The following FNDC3B variants were observed in gnomAD, a reference collection of about 807,000 sequenced individuals.
FNDC3B encodes fibronectin type III domain containing 3B, also known as fibronectin type III domain-containing protein 3B.
Under a neutral mutation model 151.5 loss-of-function variants are expected in FNDC3B, and 12 were observed. That is an observed-to-expected ratio of 0.08 (90% CI 0.05 to 0.13). The LOEUF (loss-of-function observed/expected upper bound fraction) is 0.13, where lower values mean the gene tolerates loss of function less well. Among genes scored for constraint, FNDC3B ranks in the 10% least tolerant of loss-of-function variants. The probability of loss-of-function intolerance (pLI) is 1.00; values close to 1 mark genes in which losing one functional copy is unlikely to be tolerated. For synonymous variants in FNDC3B, 528 were observed against 549.0 expected (o/e 0.96, Z 0.54); for missense variants, 1,214 against 1,505.3 (o/e 0.81, Z 3.20).
chr3:172,252,827 CTT>C (rs1026455663), intron 6 of FNDC3B, among the ~76,000 whole-genome samples: 24 of 152,034 alleles, frequency 1.6e-4, no homozygotes, highest in Non-Finnish European at 2.9e-4. Flanking sequence ...TCTTATAACT[CTT>C]AAACAAAACA....
At chr3:172,105,248 T>G (rs564639184) in intron 1 of FNDC3B, among the ~76,000 whole-genome samples, 2 of 152,330 alleles carry the variant, frequency 1.3e-5, no homozygotes, top group Non-Finnish European at 2.9e-5. Flanking sequence ...TTCTTTTTTC[T>G]GTGTATATGA....
Position 172,251,323 on chromosome 3 carries a change from C to T in FNDC3B, c.572C>T (p.Pro191Leu), listed in dbSNP as rs993970476. The change falls in exon 6 of 26, where the codon CCG (proline) becomes CTG (leucine). Residue 191 changes from proline (P) to leucine (L), a missense_variant. Pro to Leu is a moderately conservative substitution (Grantham distance 98). Transcript: ENST00000415807. ...ITREDQYSKP[P>L]HKKLKDRQID... ...CGAGAAGACCAGTACAGCAAGCCTCCGCACAAAAAACTGAAAGACCGCCAG... is the reference window on the plus strand; with the variant it reads ...CGAGAAGACCAGTACAGCAAGCCTCTGCACAAAAAACTGAAAGACCGCCAG... 1.9e-5 allele frequency: 30 copies of T among 1,613,748 alleles called. No individual in the cohort carries two copies. The highest frequency in any genetic ancestry group is 2.7e-5 in the African/African-American group (2 of 74,880).
chr3:172,257,604 ACACACG>A (rs1295657532), intron 6 of FNDC3B, among the ~76,000 whole-genome samples: 3 of 149,098 alleles, frequency 2.0e-5, no homozygotes, highest in African/African-American at 7.6e-5. Context: ...ACACACACAC[ACACACG>A]CACTCTGAAA....
chr3:172,355,265 C>T lies in FNDC3B; in HGVS notation c.2795+2182C>T, dbSNP rs184683965. On this transcript the variant is annotated intron_variant, in intron 22 of 25. Coordinates refer to ENST00000415807, the MANE Select transcript of FNDC3B (RefSeq NM_022763.4). ...AGGGTAATCGGATCACCTGGTATCA[C>T]CCCTTCCCAGTCCTTGGCTTGAGCA... Among the ~76,000 whole-genome samples the T allele has an allele frequency of 2.8e-3, 420 of 152,278 alleles. 3 individuals carry two copies. Among genetic ancestry groups the T allele is most frequent in the Admixed American group, 5.9e-3 (91 of 15,296 alleles).
chr3:172,082,258 G>A (rs1234397251), intron 1 of FNDC3B, among the ~76,000 whole-genome samples: 1 of 152,128 alleles, frequency 6.6e-6, no homozygotes, highest in Admixed American at 6.5e-5. Context: ...ATTTTTTCCT[G>A]TCCCCAAATA....
In FNDC3B at chr3:172,251,242, CA is replaced by C. The variant is rs1560040408; in HGVS notation, c.509-17del. On this transcript the variant is annotated splice_polypyrimidine_tract_variant and intron_variant, in intron 5 of 25. Coordinates refer to ENST00000415807, the MANE Select transcript of FNDC3B (RefSeq NM_022763.4). ...AAATGTAAACTGAGTTTGGGTTTAT[CA>C]TAATCATCCATTTTAGAAATTATAC... 1.3e-6 allele frequency: 2 copies of C among 1,581,418 alleles called. No homozygotes were observed. Among genetic ancestry groups the C allele is most frequent in the South Asian group, 2.2e-5 (2 of 89,154 alleles).
intron 3 of FNDC3B, among the ~76,000 whole-genome samples, chr3:172,206,050 G>A (rs766719387): frequency 3.9e-5 from 6 of 152,116 alleles, no homozygotes; most frequent in East Asian, 1.9e-4. Context: ...TGGATTGAGC[G>A]GGGATATGTT....
intron 23 of FNDC3B, among the ~76,000 whole-genome samples, chr3:172,372,372 AG>A (rs1734921895): frequency 6.6e-6 from 1 of 152,182 alleles, no homozygotes; most frequent in African/African-American, 2.4e-5. Flanking sequence ...TGGTACCATA[AG>A]GGTTGCCTGT....
At position 172,152,686 on chromosome 3, in the gene FNDC3B, C is replaced by G. The variant is rs1229082893; in HGVS notation, c.187+19140C>G. Among the ~76,000 whole-genome samples the G allele has an allele frequency of 2.0e-5, 3 of 150,424 alleles. No individual in the cohort carries two copies. In the Admixed American group the frequency reaches 2.0e-4, roughly 10 times the overall value. ...TGATAGCAGAGGGGAACGTGCTCAA[C>G]TTACAAAGTTTCTGAAAAAAATCAC... On this transcript the variant is annotated intron_variant, in intron 3 of 25. Transcript: ENST00000415807.
chr3:172,050,733 G>GTGTGTGTGTGTGTGTGTGTATA, intron 1 of FNDC3B, among the ~76,000 whole-genome samples: 1 of 137,932 alleles, frequency 7.2e-6, no homozygotes, highest in African/African-American at 2.6e-5. Context: ...GTGTGTGTGT[G>GTGTGTGTGTGTGTGTGTGTATA]TATAGTGTGT....
At chr3:172,235,995 T>C (rs975160901) in intron 4 of FNDC3B, among the ~76,000 whole-genome samples, 2 of 152,228 alleles carry the variant, frequency 1.3e-5, no homozygotes, top group African/African-American at 4.8e-5. Context: ...GATAGCTTTA[T>C]TCACATCTCA....
chr3:172,048,347 T>G (rs1428600761), intron 1 of FNDC3B, among the ~76,000 whole-genome samples: 2 of 152,186 alleles, frequency 1.3e-5, no homozygotes, highest in Non-Finnish European at 2.9e-5. Context: ...AAGAAAATAA[T>G]AAAAGTCTTT....
At chr3:172,176,856 G>T (rs113057689) in intron 3 of FNDC3B, among the ~76,000 whole-genome samples, 3 of 152,274 alleles carry the variant, frequency 2.0e-5, no homozygotes, top group Non-Finnish European at 2.9e-5. Context: ...GTCTTGCAGT[G>T]GGGGAGAGAG....
chr3:172,322,168 T>C (rs769454820), intron 11 of FNDC3B, among the ~76,000 whole-genome samples: 1 of 152,172 alleles, frequency 6.6e-6, no homozygotes, highest in Admixed American at 6.5e-5. Flanking sequence ...CTCTATCATA[T>C]CTAGAGTTTC....
chr3:172,083,912 C>A lies in FNDC3B; in HGVS notation c.-28-28540C>A, dbSNP rs566243326. Among the ~76,000 whole-genome samples the A allele has an allele frequency of 1.4e-4, 21 of 152,268 alleles. 1 individual carries two copies. In the South Asian group the frequency reaches 4.3e-3, roughly 32 times the overall value. On this transcript the variant is annotated intron_variant, in intron 1 of 25. Transcript: ENST00000415807. The stretch of plus-strand genomic sequence containing the variant: ...GCATAGGTTTAGCTCTGTTTCTTAA[C>A]TGCATTGTGACCTTAGTTTATTTTT...
At position 172,344,147 on chromosome 3, in the gene FNDC3B, C is replaced by T. The variant is rs148257829; in HGVS notation, c.2139C>T (p.Pro713=). Residue 713 remains proline (P), a synonymous_variant, in exon 19 of 26, where the codon CCC becomes CCT. Transcript: ENST00000415807. Reference sequence around the variant, plus strand: ...AGTACAGCGTGGAGATGACGGAGCCCGAAGACGTAGCCTCGGAAGTGTACC... The same window carrying T: ...AGTACAGCGTGGAGATGACGGAGCCTGAAGACGTAGCCTCGGAAGTGTACC... The part of the protein sequence containing the change: ...VSEYSVEMTE[P]EDVASEVYHG... The T allele has an allele frequency of 1.7e-5, 27 of 1,613,954 alleles. No homozygotes were observed. The highest frequency in any genetic ancestry group is 1.3e-4 in the African/African-American group (10 of 74,870).
In FNDC3B at chr3:172,285,966, G is replaced by A. The variant is rs115364239; in HGVS notation, c.831G>A (p.Ser277=). 2.5e-5 allele frequency: 41 copies of A among 1,612,132 alleles called. No homozygotes were observed. In the African/African-American group the frequency reaches 3.6e-4, roughly 14 times the overall value. ...LEVKRVQDIL[S]GIEKPQVSNI... is the part of the protein sequence containing the mutation. Reference sequence around the variant, plus strand: ...TAAAGAGGGTGCAAGACATTCTTTCGGGAATAGAGAAACCACAGGTATGTC... The same window carrying A: ...TAAAGAGGGTGCAAGACATTCTTTCAGGAATAGAGAAACCACAGGTATGTC... Residue 277 remains serine (S), a synonymous_variant, in exon 7 of 26, where the codon TCG becomes TCA. Coordinates refer to ENST00000415807, the MANE Select transcript of FNDC3B (RefSeq NM_022763.4).
Position 172,194,374 on chromosome 3 carries a change from G to A in FNDC3B, c.188-32497G>A, listed in dbSNP as rs1017014097. ...AAAATGTAAACGTGTGATTCTTGTC[G>A]TTGATGGATGACCTTACCTGTCAAG... On this transcript the variant is annotated intron_variant, in intron 3 of 25. Transcript: ENST00000415807. 1.1e-4 allele frequency among the ~76,000 whole-genome samples: 16 copies of A among 152,090 alleles called. No individual in the cohort carries two copies. The East Asian group carries it at 1.3e-3, about 13-fold the overall frequency.
rs76176008 is a variant in FNDC3B at position 172,327,730 on chromosome 3, C to T, written c.1255-1222C>T. Reference sequence around the variant, plus strand: ...GTGTGGTTGTTTTTAATGTGCTCACCGTAGCAACAGTCAGGCTAGTGGTGT... The same window carrying T: ...GTGTGGTTGTTTTTAATGTGCTCACTGTAGCAACAGTCAGGCTAGTGGTGT... On this transcript the variant is annotated intron_variant, in intron 11 of 25. Coordinates refer to ENST00000415807, the MANE Select transcript of FNDC3B (RefSeq NM_022763.4). Among the ~76,000 whole-genome samples the T allele has an allele frequency of 2.3e-3, 356 of 152,220 alleles. 1 individual carries two copies. The highest frequency in any genetic ancestry group is 8.2e-3 in the African/African-American group (340 of 41,544).
Sources: gnomAD v4.1 joint callset for allele counts (sites outside exome capture counted in the v4.1 genomes callset) on GRCh38, gnomAD v4.1.1 for gene constraint, MANE v1.5 for transcripts, NCBI Gene and HGNC (gene_info 2026-07-23, HGNC 2026-07-21) for gene names.